Variants in SHISA6 observed in about 807,000 individuals in gnomAD.
SHISA6 encodes the protein protein shisa-6.
SHISA6 carries 22 observed loss-of-function variants against 47.9 expected under a neutral mutation model. The observed-to-expected ratio is 0.46, with a 90% CI of 0.33 to 0.66. SHISA6 has a LOEUF of 0.66. Among genes scored for constraint, SHISA6 ranks in the 30% least tolerant of loss-of-function variants. The pLI, the probability that SHISA6 is intolerant of heterozygous loss-of-function variation, is 0.02. For synonymous variants in SHISA6, 388 were observed against 337.8 expected, an observed-to-expected ratio of 1.15 and a Z score of -1.63; for missense variants, 680 against 764.6, an observed-to-expected ratio of 0.89 and a Z score of 1.30.
chr17:11,241,702 T>G lies in SHISA6; in HGVS notation c.280T>G (p.Cys94Gly). ...CAGCGCGGCCGTCACCTACGAGACG[T>G]GCTGGGGCTACTACGACGTGAGCGG... ...AASAAVTYETCWGYYDVSGQY... is the reference protein window; with the variant it reads ...AASAAVTYETGWGYYDVSGQY... Residue 94 changes from cysteine to glycine, a missense_variant, in exon 1 of 6, where the codon TGC becomes GGC. Cys to Gly is a radical substitution (Grantham distance 159, BLOSUM62 -3). This residue lies in a region of SHISA6 where 559 missense variants were observed against 674.1 expected (regional missense o/e 0.83). Transcript: ENST00000441885. The surrounding 1 kb of genome is among the most constrained non-coding windows in gnomAD (Gnocchi z 5.5). 3 of 1,537,384 alleles carry G rather than the reference T, an allele frequency of 2.0e-6. No individual in the cohort carries two copies. The highest frequency in any genetic ancestry group is 2.6e-6 in the Non-Finnish European group (3 of 1,146,238).
At chr17:11,309,381 G>A (rs1174164454) in intron 2 of SHISA6, among the ~76,000 whole-genome samples, 2 of 152,164 alleles carry the variant, frequency 1.3e-5, no homozygotes, top group Admixed American at 6.5e-5. Context: ...AATTTCAGTC[G>A]ATGAATATGA....
chr17:11,499,989 A>C (rs1172934175), intron 3 of SHISA6, among the ~76,000 whole-genome samples: 2 of 152,192 alleles, frequency 1.3e-5, no homozygotes, highest in Non-Finnish European at 1.5e-5. Flanking sequence ...GGTATGAGCC[A>C]TCGTGCCTGG....
chr17:11,413,739 G>A (rs941914318), intron 3 of SHISA6, among the ~76,000 whole-genome samples: 3 of 152,126 alleles, frequency 2.0e-5, no homozygotes, highest in Admixed American at 2.0e-4. Context: ...AAGGAGGGCA[G>A]AGCCATGTTC....
At chr17:11,358,272 T>A (rs2142226920) in intron 2 of SHISA6, among the ~76,000 whole-genome samples, 1 of 152,306 alleles carries the variant, frequency 6.6e-6, no homozygotes, top group African/African-American at 2.4e-5. Context: ...GTACCTCATA[T>A]AAATGGAGCC....
At chr17:11,410,675 C>G (rs1914089803) in intron 3 of SHISA6, among the ~76,000 whole-genome samples, 1 of 152,180 alleles carries the variant, frequency 6.6e-6, no homozygotes, top group Non-Finnish European at 1.5e-5. Context: ...TGCATCCACT[C>G]CCCAATCTGG....
intron 3 of SHISA6, among the ~76,000 whole-genome samples, chr17:11,449,302 G>A (rs748241969): frequency 2.6e-5 from 4 of 152,070 alleles, no homozygotes; most frequent in Non-Finnish European, 5.9e-5. Flanking sequence ...AATTAGCTGG[G>A]CGTGGTAGCA....
chr17:11,246,985 C>T (rs1306474219), intron 1 of SHISA6, among the ~76,000 whole-genome samples: 2 of 152,150 alleles, frequency 1.3e-5, no homozygotes, highest in Non-Finnish European at 2.9e-5. Context: ...CACACCCATC[C>T]CTTTCTCCCC....
intron 2 of SHISA6, among the ~76,000 whole-genome samples, chr17:11,331,695 G>A (rs1911121738): frequency 1.3e-5 from 2 of 151,808 alleles, no homozygotes; most frequent in Admixed American, 6.6e-5. Flanking sequence ...TTCTCTTCTT[G>A]TCTATCTTTT....
At chr17:11,345,548 G>A (rs548611968) in intron 2 of SHISA6, among the ~76,000 whole-genome samples, 2 of 152,204 alleles carry the variant, frequency 1.3e-5, no homozygotes, top group South Asian at 2.1e-4. Flanking sequence ...TGTAGTAGCT[G>A]TAAATCAATT....
At chr17:11,520,112 G>C (rs1024675086) in intron 3 of SHISA6, among the ~76,000 whole-genome samples, 2 of 151,938 alleles carry the variant, frequency 1.3e-5, no homozygotes, top group Admixed American at 1.3e-4. Context: ...ATTACATCTC[G>C]AGCCTCGACT....
At chr17:11,458,945 C>G (rs1478528992) in intron 3 of SHISA6, among the ~76,000 whole-genome samples, 1 of 152,056 alleles carries the variant, frequency 6.6e-6, no homozygotes, top group African/African-American at 2.4e-5. Flanking sequence ...GTGGCTCACG[C>G]CTGTAATCCC....
chr17:11,256,850 G>C (rs1452581633), intron 1 of SHISA6, among the ~76,000 whole-genome samples: 1 of 152,222 alleles, frequency 6.6e-6, no homozygotes, highest in African/African-American at 2.4e-5. Flanking sequence ...GGGCCCCCAG[G>C]GGATGCACAT....
chr17:11,391,882 A>G (rs1282529091), intron 3 of SHISA6, among the ~76,000 whole-genome samples: 1 of 152,068 alleles, frequency 6.6e-6, no homozygotes, highest in African/African-American at 2.4e-5. Context: ...TGAACACCCC[A>G]TGTGTTCTCA....
At chr17:11,277,024 G>A (rs1908926029) in intron 2 of SHISA6, among the ~76,000 whole-genome samples, 1 of 152,110 alleles carries the variant, frequency 6.6e-6, no homozygotes, top group Non-Finnish European at 1.5e-5. Flanking sequence ...TGATTCCAAG[G>A]ACTTTTGGCC....
At chr17:11,316,414 TC>T (rs1910521844) in intron 2 of SHISA6, among the ~76,000 whole-genome samples, 55 of 58,804 alleles carry the variant, frequency 9.4e-4, no homozygotes, top group East Asian at 4.2e-3. Flanking sequence ...TCTCTCTCTC[TC>T]TCTCTTTTTT....
intron 3 of SHISA6, among the ~76,000 whole-genome samples, chr17:11,389,136 C>T (rs1005241834): frequency 4.6e-5 from 7 of 152,152 alleles, no homozygotes; most frequent in African/African-American, 7.2e-5. Flanking sequence ...GAGCCACCCA[C>T]GGAGTCCACC....
chr17:11,276,727 T>A (rs67853213), intron 2 of SHISA6, among the ~76,000 whole-genome samples: 64,107 of 151,676 alleles, frequency 0.42, 14,693 homozygotes, highest in East Asian at 0.57. Flanking sequence ...TCATCACCAC[T>A]GCTGTCAACA....
intron 3 of SHISA6, among the ~76,000 whole-genome samples, chr17:11,443,021 G>T (rs1001991128): frequency 7.2e-5 from 11 of 152,188 alleles, no homozygotes; most frequent in African/African-American, 2.7e-4. Context: ...GATTAAAGTT[G>T]AGTTGAAGGT....
intron 2 of SHISA6, among the ~76,000 whole-genome samples, chr17:11,315,991 A>G (rs1910498811): frequency 6.6e-6 from 1 of 152,180 alleles, no homozygotes; most frequent in African/African-American, 2.4e-5. Flanking sequence ...AGTTGTATCA[A>G]ACTCCATCAT....
Sources: gnomAD v4.1 joint callset for allele counts (sites outside exome capture counted in the v4.1 genomes callset) on GRCh38, gnomAD v4.1.1 for gene constraint, gnomAD v4.1.1 regional missense constraint, Gnocchi (gnomAD v3.1) non-coding constraint, MANE v1.5 for transcripts, NCBI Gene and HGNC (gene_info 2026-07-23, HGNC 2026-07-21) for gene names.